The following LRP1B variants were observed in gnomAD, a reference collection of about 807,000 sequenced individuals.
The protein encoded by LRP1B is low-density lipoprotein receptor-related protein 1B.
In LRP1B, 217 loss-of-function variants were observed where a neutral mutation model predicts 556.6. The observed-to-expected ratio is 0.39, with a 90% confidence interval of 0.35 to 0.44. The LOEUF (loss-of-function observed/expected upper bound fraction) is 0.44, where lower values mean the gene tolerates loss of function less well. LRP1B is among the 20% of genes least tolerant of loss of function. The probability of loss-of-function intolerance (pLI) is 1.00; values close to 1 mark genes in which losing one functional copy is unlikely to be tolerated. For missense variants in LRP1B, 5,053 were observed against 5,620.8 expected, an observed-to-expected ratio of 0.90 and a Z score of 3.23; for synonymous variants, 2,047 against 1,865.8, an observed-to-expected ratio of 1.10 and a Z score of -2.50.
intron 35 of LRP1B, among the ~76,000 whole-genome samples, chr2:140,758,386 GTGT>G (rs1688809430): frequency 6.6e-6 from 1 of 151,938 alleles, no homozygotes; most frequent in Non-Finnish European, 1.5e-5. Context: ...GTTGCTGTCT[GTGT>G]TGTTGTAGTA....
intron 1 of LRP1B, among the ~76,000 whole-genome samples, chr2:141,868,543 G>A (rs1001913210): frequency 3.3e-5 from 5 of 152,052 alleles, no homozygotes; most frequent in South Asian, 2.1e-4. Flanking sequence ...TATTCACAAC[G>A]TTACAGAATA....
At chr2:140,243,979 A>T (rs1198744531) in intron 87 of LRP1B, among the ~76,000 whole-genome samples, 1 of 151,172 alleles carries the variant, frequency 6.6e-6, no homozygotes, top group Non-Finnish European at 1.5e-5. Context: ...AAAACTCACA[A>T]TTACTTTATA....
At chr2:141,751,971 A>C (rs1401129036) in intron 2 of LRP1B, among the ~76,000 whole-genome samples, 1 of 151,686 alleles carries the variant, frequency 6.6e-6, no homozygotes, top group African/African-American at 2.4e-5. Flanking sequence ...AAACACCACA[A>C]TAAACAGCAA....
At chr2:141,559,569 TG>T in intron 2 of LRP1B, among the ~76,000 whole-genome samples, 1 of 151,782 alleles carries the variant, frequency 6.6e-6, no homozygotes, top group African/African-American at 2.4e-5. Context: ...AGTATTAATT[TG>T]GGTAGTAGAT....
intron 3 of LRP1B, among the ~76,000 whole-genome samples, chr2:141,273,100 G>C (rs1269256559): frequency 2.0e-5 from 3 of 152,144 alleles, no homozygotes; most frequent in African/African-American, 7.2e-5. Flanking sequence ...CCTGAGGTCA[G>C]AAGTTCGAGA....
intron 3 of LRP1B, among the ~76,000 whole-genome samples, chr2:141,398,462 T>C (rs781494675): frequency 1.4e-4 from 21 of 152,172 alleles, no homozygotes; most frequent in Non-Finnish European, 2.5e-4. Context: ...TAAAATGATG[T>C]TATTAATAGC....
chr2:140,779,811 CATAA>C (rs1689635019), intron 32 of LRP1B, among the ~76,000 whole-genome samples: 1 of 141,274 alleles, frequency 7.1e-6, no homozygotes, highest in African/African-American at 2.6e-5. Flanking sequence ...AGATATATAT[CATAA>C]ATTTACCTCC....
At chr2:140,674,529 C>A (rs898978142) in intron 41 of LRP1B, among the ~76,000 whole-genome samples, 14 of 152,340 alleles carry the variant, frequency 9.2e-5, no homozygotes, top group Admixed American at 5.2e-4. Context: ...ACTCTTTCAA[C>A]AAATTGCCAA....
Position 141,196,653 on chromosome 2 carries a change from T to C in LRP1B, c.851-8070A>G, listed in dbSNP as rs961307751. Among the ~76,000 whole-genome samples the C allele has an allele frequency of 8.6e-5, 13 of 151,408 alleles. No homozygotes were observed. The East Asian group carries it at 2.3e-3, about 27-fold the overall frequency. ...CTTTTTCTTTCTTAGAATTTATTAT[T>C]GCATAATTCTACAAAAGAACTACAA... On this transcript the variant is annotated intron_variant, in intron 6 of 90. Coordinates refer to ENST00000389484, the MANE Select transcript of LRP1B (RefSeq NM_018557.3).
intron 43 of LRP1B, among the ~76,000 whole-genome samples, chr2:140,559,069 G>T (rs1183373777): frequency 2.0e-4 from 31 of 151,878 alleles, no homozygotes; most frequent in Admixed American, 2.0e-3. Flanking sequence ...ACAGATAATA[G>T]TCTTGCAAAA....
intron 1 of LRP1B, among the ~76,000 whole-genome samples, chr2:141,868,387 C>A (rs1216523035): frequency 6.6e-6 from 1 of 152,132 alleles, no homozygotes; most frequent in Non-Finnish European, 1.5e-5. Flanking sequence ...CTGTTCAAAG[C>A]ATCAAAATTC....
At chr2:141,709,909 CAG>C (rs2105476500) in intron 2 of LRP1B, among the ~76,000 whole-genome samples, 1 of 152,160 alleles carries the variant, frequency 6.6e-6, no homozygotes, top group South Asian at 2.1e-4. Flanking sequence ...CTGGCAGAGT[CAG>C]TGTCTTGTGA....
Position 140,841,041 on chromosome 2 carries a change from T to A in LRP1B, c.4991A>T (p.Tyr1664Phe). 1 of 1,613,180 alleles carries A rather than the reference T, an allele frequency of 6.2e-7. No homozygotes were observed. The highest frequency in any genetic ancestry group is 8.5e-7 in the Non-Finnish European group (1 of 1,179,438). The change falls in exon 30 of 91, where the codon TAC becomes TTC. Residue 1664 changes from tyrosine (Y) to phenylalanine (F), a missense_variant. By Grantham distance (22) the Tyr-to-Phe change is conservative. This residue lies in a region of LRP1B where 3,619 missense variants were observed against 3,931.9 expected (regional missense o/e 0.92). Transcript: ENST00000389484. ...TTCATCAAATTCTGAGCTAATCCAG[T>A]ATAAATTACGTGACACCCAATCCAC... is the stretch of plus-strand genomic sequence containing the variant. ...LAVDWVSRNLYWISSEFDETQ... is the reference protein window; with the variant it reads ...LAVDWVSRNLFWISSEFDETQ...
intron 3 of LRP1B, among the ~76,000 whole-genome samples, chr2:141,385,651 A>G (rs1440622789): frequency 6.6e-6 from 1 of 152,148 alleles, no homozygotes; most frequent in African/African-American, 2.4e-5. Flanking sequence ...TCTAGAAGAC[A>G]TATTTTTAAA....
chr2:140,575,920 C>CA (rs907900252), intron 43 of LRP1B, among the ~76,000 whole-genome samples: 3 of 141,496 alleles, frequency 2.1e-5, no homozygotes, highest in Admixed American at 6.8e-5. Context: ...GACTCTGTCT[C>CA]AAAAAAACAA....
chr2:141,217,803 A>C (rs1244625128), intron 6 of LRP1B, among the ~76,000 whole-genome samples: 2 of 152,294 alleles, frequency 1.3e-5, no homozygotes, highest in African/African-American at 4.8e-5. Flanking sequence ...CAACTTACAG[A>C]GTGGGAGAAG....
At chr2:141,221,362 T>G (rs1683033957) in intron 6 of LRP1B, among the ~76,000 whole-genome samples, 1 of 151,574 alleles carries the variant, frequency 6.6e-6, no homozygotes, top group African/African-American at 2.4e-5. Context: ...AGAGCTAACT[T>G]TCTGAAATAT....
intron 2 of LRP1B, among the ~76,000 whole-genome samples, chr2:141,614,574 C>A (rs1393962016): frequency 1.3e-5 from 2 of 152,112 alleles, no homozygotes; most frequent in Non-Finnish European, 2.9e-5. Flanking sequence ...GAGATTGAGA[C>A]ACAAAGGCAA....
chr2:141,150,430 A>G (rs1249446), intron 7 of LRP1B, among the ~76,000 whole-genome samples: 46,437 of 151,914 alleles, frequency 0.31, 7,302 homozygotes, highest in East Asian at 0.46. Flanking sequence ...TCCCATTTCT[A>G]TTTCTAATAC....
Sources: allele counts gnomAD v4.1 joint callset (sites outside exome capture counted in the v4.1 genomes callset), GRCh38; gene constraint gnomAD v4.1.1; regional missense constraint gnomAD v4.1.1; transcripts MANE v1.5; gene names NCBI Gene and HGNC (gene_info 2026-07-23, HGNC 2026-07-21).